ATP11B: variants seen among roughly 807,000 people sequenced by gnomAD.
ATP11B encodes the protein ATPase phospholipid transporting 11B (putative).
In ATP11B, 81 loss-of-function variants were observed where a neutral mutation model predicts 157.8. The observed-to-expected ratio is 0.51, with a 90% confidence interval of 0.43 to 0.62. ATP11B has a LOEUF of 0.62. ATP11B is among the 20% of genes least tolerant of loss of function. The pLI, the probability that ATP11B is intolerant of heterozygous loss-of-function variation, is 0.00. For synonymous variants in ATP11B, 451 were observed against 469.4 expected (o/e 0.96, Z 0.51); for missense variants, 1,165 against 1,402.2 (o/e 0.83, Z 2.70).
At chr3:182,796,864 A>G (rs1031889016) in intron 1 of ATP11B, among the ~76,000 whole-genome samples, 1 of 152,238 alleles carries the variant, frequency 6.6e-6, no homozygotes, top group African/African-American at 2.4e-5. Context: ...GAAAATGAGT[A>G]ATTACACAAA....
intron 29 of ATP11B, chr3:182,915,057 T>C: frequency 1.0e-6 from 1 of 985,380 alleles, no homozygotes; most frequent in Non-Finnish European, 1.2e-6. Context: ...AAGGCACTAC[T>C]CCTATCTACT....
rs11349038 is a variant in ATP11B, at chr3:182,799,281, C to CT, written c.27+5511dup. ...TCTGAGTGCTGATCTTTCTTTCTTT[C>CT]TTTTTTTTTTTTTTTTGGAGACAGT... On this transcript the variant is annotated intron_variant, in intron 1 of 29. Coordinates refer to ENST00000323116, the MANE Select transcript of ATP11B (RefSeq NM_014616.3). 7.8e-3 allele frequency among the ~76,000 whole-genome samples: 1,146 copies of CT among 147,306 alleles called. 16 individuals are homozygous for CT. Among genetic ancestry groups the CT allele is most frequent in the African/African-American group, 0.027 (1,056 of 39,374 alleles).
At chr3:182,805,625 C>CTT (rs71183648) in intron 1 of ATP11B, among the ~76,000 whole-genome samples, 140 of 140,236 alleles carry the variant, frequency 1.0e-3, no homozygotes, top group East Asian at 8.8e-3. Context: ...CAGCTAATTT[C>CTT]TTTTTTTTTT....
At chr3:182,873,745 T>C in intron 18 of ATP11B, 67 bp from the exon 19 acceptor site, 1 of 1,279,036 alleles carries the variant, frequency 7.8e-7, no homozygotes, top group East Asian at 2.4e-5. Flanking sequence ...AAATATACTA[T>C]GTAGTTTAAC....
At chr3:182,845,576 G>T (rs368559733) in intron 9 of ATP11B, 54 bp downstream of exon 9, 27 of 1,173,260 alleles carry the variant, frequency 2.3e-5, no homozygotes, top group Non-Finnish European at 3.2e-5. Context: ...TGCTTTATAT[G>T]AAGTACTTTT....
intron 1 of ATP11B, among the ~76,000 whole-genome samples, chr3:182,798,906 T>C (rs1715801967): frequency 6.6e-6 from 1 of 152,286 alleles, no homozygotes; most frequent in African/African-American, 2.4e-5. Flanking sequence ...GCTACTTGTT[T>C]ATTTTTACCT....
At chr3:182,904,898 A>G (rs1018897952) in intron 28 of ATP11B, among the ~76,000 whole-genome samples, 13 of 141,944 alleles carry the variant, frequency 9.2e-5, no homozygotes, top group Non-Finnish European at 3.0e-5. Flanking sequence ...TAAAAAAAAA[A>G]AAAAAAAAAA....
At chr3:182,908,196 CTTTTTT>C (rs10716562) in intron 28 of ATP11B, among the ~76,000 whole-genome samples, 2 of 70,744 alleles carry the variant, frequency 2.8e-5, no homozygotes, top group Admixed American at 2.0e-4. Context: ...TTATTATTTT[CTTTTTT>C]TTTTTTTTTT....
chr3:182,889,596 T>G (rs1577082415), intron 25 of ATP11B, 48 bp downstream of exon 25: 2 of 1,422,474 alleles, frequency 1.4e-6, no homozygotes, highest in Admixed American at 5.3e-5. Flanking sequence ...ATTTTATGGG[T>G]TTTTTATAGC....
intron 21 of ATP11B, among the ~76,000 whole-genome samples, chr3:182,882,131 G>T (rs1421362378): frequency 6.6e-6 from 1 of 152,096 alleles, no homozygotes; most frequent in Non-Finnish European, 1.5e-5. Context: ...TCCTGTTCTG[G>T]AATAGTCTCT....
In ATP11B at chr3:182,869,125, T is replaced by C; in HGVS notation, c.1736T>C (p.Met579Thr). The change falls in exon 16 of 30, where the codon ATG (methionine) becomes ACG (threonine). Residue 579 changes from methionine to threonine, a missense_variant. By Grantham distance (81) the Met-to-Thr change is moderately conservative. Coordinates refer to ENST00000323116, the MANE Select transcript of ATP11B (RefSeq NM_014616.3). ...GAATTTGATTCAGATCGTAGGAGAATGAGTGTAATTGTTCAGGCACCTTCA... is the reference window on the plus strand; with the variant it reads ...GAATTTGATTCAGATCGTAGGAGAACGAGTGTAATTGTTCAGGCACCTTCA... ...ILEFDSDRRR[M>T]SVIVQAPSGE... is the part of the protein sequence containing the mutation. 6.2e-7 allele frequency: 1 copy of C among 1,611,778 alleles called. No homozygotes were observed. Among genetic ancestry groups the C allele is most frequent in the African/African-American group, 1.3e-5 (1 of 75,000 alleles).
chr3:182,877,332 C>T (rs553624858), intron 19 of ATP11B, among the ~76,000 whole-genome samples: 16 of 152,202 alleles, frequency 1.1e-4, no homozygotes, highest in South Asian at 6.2e-4. Context: ...AAGAAGCAAA[C>T]GGGAGGCTGG....
Position 182,862,343 on chromosome 3 carries a change from G to A in ATP11B, c.1200+2984G>A, listed in dbSNP as rs1720907416. Among the ~76,000 whole-genome samples, 2 of 152,094 alleles carry A rather than the reference G, an allele frequency of 1.3e-5. 1 individual carries two copies. Among genetic ancestry groups the A allele is most frequent in the South Asian group, 4.1e-4 (2 of 4,820 alleles). On this transcript the variant is annotated intron_variant, in intron 12 of 29. Coordinates refer to ENST00000323116, the MANE Select transcript of ATP11B (RefSeq NM_014616.3). The stretch of plus-strand genomic sequence containing the variant: ...CTTATCAGAAGCTATTGATTCAGTG[G>A]GCCACACCTTAAGGTAATGAGCTGA...
In ATP11B at chr3:182,859,266, A is replaced by G. The variant is rs767910234; in HGVS notation, c.1107A>G (p.Ser369=). 5 of 1,612,170 alleles carry G rather than the reference A, an allele frequency of 3.1e-6. No homozygotes were observed. Among genetic ancestry groups the G allele is most frequent in the African/African-American group, 2.7e-5 (2 of 74,848 alleles). ...TCGAAATGCAGAAATTTCTTGGATCATTTTTTATTGGCTGGGATCTTGATC... is the reference window on the plus strand; with the variant it reads ...TCGAAATGCAGAAATTTCTTGGATCGTTTTTTATTGGCTGGGATCTTGATC... ...VTVEMQKFLG[S]FFIGWDLDLY... The change falls in exon 12 of 30, where the codon TCA becomes TCG. Residue 369 remains serine, a synonymous_variant. Transcript: ENST00000323116.
chr3:182,801,827 T>C (rs947804351), intron 1 of ATP11B, among the ~76,000 whole-genome samples: 1 of 152,222 alleles, frequency 6.6e-6, no homozygotes, highest in African/African-American at 2.4e-5. Flanking sequence ...CCTTAACTCT[T>C]GATTTAATTC....
At chr3:182,798,778 A>G (rs2108480226) in intron 1 of ATP11B, among the ~76,000 whole-genome samples, 1 of 152,366 alleles carries the variant, frequency 6.6e-6, no homozygotes, top group Admixed American at 6.5e-5. Context: ...TATGCAGTGG[A>G]TCTTGAAGAC....
intron 4 of ATP11B, among the ~76,000 whole-genome samples, chr3:182,831,134 C>A (rs894919956): frequency 6.6e-6 from 1 of 152,174 alleles, no homozygotes; most frequent in African/African-American, 2.4e-5. Flanking sequence ...TACAACATTT[C>A]AACTTTGTCA....
chr3:182,915,238 T>A, intron 29 of ATP11B: 1 of 985,310 alleles, frequency 1.0e-6, no homozygotes, highest in Non-Finnish European at 1.2e-6. Flanking sequence ...ATAAATAGCA[T>A]TCTTATGTTA....
chr3:182,799,856 G>T (rs1418860550), intron 1 of ATP11B, among the ~76,000 whole-genome samples: 1 of 152,124 alleles, frequency 6.6e-6, no homozygotes, highest in Non-Finnish European at 1.5e-5. Context: ...GCTCAAACCT[G>T]TAACCTCGGC....
Sources: gnomAD v4.1 joint callset for allele counts (sites outside exome capture counted in the v4.1 genomes callset) on GRCh38, gnomAD v4.1.1 for gene constraint, MANE v1.5 for transcripts, NCBI Gene and HGNC (gene_info 2026-07-23, HGNC 2026-07-21) for gene names.